AFF1: variants seen among roughly 807,000 people sequenced by gnomAD.
The protein encoded by AFF1 is AF4/FMR2 family member 1.
Under a neutral mutation model 121.7 loss-of-function variants are expected in AFF1, and 48 were observed. The observed-to-expected ratio is 0.39, with a 90% CI of 0.31 to 0.50. The LOEUF (loss-of-function observed/expected upper bound fraction) is 0.50. AFF1 is among the 20% of genes least tolerant of loss of function. The pLI, the probability that AFF1 is intolerant of heterozygous loss-of-function variation, is 0.76. For missense variants in AFF1, 1,523 were observed against 1,511.7 expected (o/e 1.01, Z -0.12); for synonymous variants, 613 against 563.0 (o/e 1.09, Z -1.26).
intron 2 of AFF1, among the ~76,000 whole-genome samples, chr4:87,010,706 C>T (rs541818278): frequency 2.6e-5 from 4 of 152,302 alleles, no homozygotes; most frequent in East Asian, 1.9e-4. Flanking sequence ...TTCCCACCTC[C>T]GCTAACCCTC....
intron 2 of AFF1, among the ~76,000 whole-genome samples, chr4:87,013,986 A>G (rs1423548431): frequency 6.6e-6 from 1 of 152,138 alleles, no homozygotes; most frequent in African/African-American, 2.4e-5. Flanking sequence ...AAATTTTGAT[A>G]TCATATATGC....
rs35457894 is a variant in AFF1 at position 87,138,490 on chromosome 4, GGTGT to G, written c.*2818_*2821del. 0.013 allele frequency: 2,749 copies of G among 217,402 alleles called. 11 individuals are homozygous for G. Among genetic ancestry groups the G allele is most frequent in the African/African-American group, 0.025 (1,062 of 42,024 alleles). 13.5% of individuals were successfully genotyped at this position (217,402 alleles called of 1,614,324 possible). ...GTAAATCTTGCCTTTGGCACTACAA[GGTGT>G]GTGTGTGTGTGTGTGTGTGTGTGTG... On this transcript the variant is annotated 3_prime_UTR_variant, in exon 21 of 21. Coordinates refer to ENST00000395146, the MANE Select transcript of AFF1 (RefSeq NM_001166693.3).
In AFF1 at chr4:87,137,929, T is replaced by G. The variant is rs1578336309; in HGVS notation, c.*2228T>G. 8.6e-6 allele frequency: 2 copies of G among 231,982 alleles called. No individual in the cohort carries two copies. Among genetic ancestry groups the G allele is most frequent in the Non-Finnish European group, 1.7e-5 (2 of 117,272 alleles). The allele number at this position is 231,982 out of a possible 1,614,324, so 14.4% of individuals were successfully genotyped here. A position where few individuals can be genotyped will look rare whatever the true frequency, so the allele number is the denominator to read the frequency against. The stretch of plus-strand genomic sequence containing the variant: ...GTGCCAGAGCATGTGCGTGTTCTGT[T>G]GGCAAGCCACAGTGCTCCCTTGACT... On this transcript the variant is annotated 3_prime_UTR_variant, in exon 21 of 21. Transcript: ENST00000395146.
intron 8 of AFF1, among the ~76,000 whole-genome samples, chr4:87,096,188 A>G (rs1724827067): frequency 6.6e-6 from 1 of 151,874 alleles, no homozygotes; most frequent in Non-Finnish European, 1.5e-5. Flanking sequence ...GGTTTTGTGC[A>G]TGTGGTAAGA....
chr4:87,005,690 G>T (rs1275798230), intron 2 of AFF1, among the ~76,000 whole-genome samples: 1 of 152,098 alleles, frequency 6.6e-6, no homozygotes, highest in Admixed American at 6.5e-5. Flanking sequence ...TGCTTCCTGG[G>T]TACTTCCCAT....
At chr4:87,014,018 C>T (rs541009440) in intron 2 of AFF1, among the ~76,000 whole-genome samples, 17 of 152,152 alleles carry the variant, frequency 1.1e-4, no homozygotes, top group Non-Finnish European at 1.9e-4. Flanking sequence ...CATTTTTCCC[C>T]TCCTATTGAA....
intron 5 of AFF1, among the ~76,000 whole-genome samples, chr4:87,086,964 T>C (rs565976442): frequency 6.6e-6 from 1 of 152,306 alleles, no homozygotes. Context: ...TCCAGCAGGC[T>C]AATGGAGTAA....
At chr4:87,089,449 T>C (rs236675) in intron 5 of AFF1, among the ~76,000 whole-genome samples, 124,376 of 152,192 alleles carry the variant, frequency 0.82, 51,021 homozygotes, top group African/African-American at 0.89. Context: ...AAAGTTCTTA[T>C]TTGCTAATAG....
At chr4:86,973,454 A>T (rs1035109480) in intron 2 of AFF1, among the ~76,000 whole-genome samples, 1 of 152,110 alleles carries the variant, frequency 6.6e-6, no homozygotes, top group African/African-American at 2.4e-5. Flanking sequence ...TGGTCTCTTA[A>T]TTTTTTTCCC....
At chr4:87,127,378 G>A (rs1728386543) in intron 15 of AFF1, among the ~76,000 whole-genome samples, 1 of 152,058 alleles carries the variant, frequency 6.6e-6, no homozygotes. Context: ...GGTCAGGCTG[G>A]TCTCGAACTC....
At chr4:87,111,948 GA>G (rs950447624) in intron 11 of AFF1, among the ~76,000 whole-genome samples, 4 of 152,152 alleles carry the variant, frequency 2.6e-5, no homozygotes, top group Non-Finnish European at 2.9e-5. Flanking sequence ...GGTTGGGGGG[GA>G]AACCAGATGT....
chr4:86,937,390 T>C (rs1450725055), intron 1 of AFF1, among the ~76,000 whole-genome samples: 1 of 152,202 alleles, frequency 6.6e-6, no homozygotes, highest in Non-Finnish European at 1.5e-5. Flanking sequence ...TAATCTACTA[T>C]AGGGTAATAA....
intron 4 of AFF1, among the ~76,000 whole-genome samples, chr4:87,054,264 A>G (rs1731537724): frequency 6.6e-6 from 1 of 152,230 alleles, no homozygotes; most frequent in Non-Finnish European, 1.5e-5. Flanking sequence ...TATGGGCCAC[A>G]GGGAGCTACA....
At chr4:87,017,375 A>G (rs971776313) in intron 2 of AFF1, among the ~76,000 whole-genome samples, 5 of 152,152 alleles carry the variant, frequency 3.3e-5, no homozygotes, top group African/African-American at 4.8e-5. Flanking sequence ...ATGTGATCTT[A>G]AAACACCGCT....
intron 4 of AFF1, among the ~76,000 whole-genome samples, chr4:87,060,384 G>C (rs1720615278): frequency 6.6e-6 from 1 of 152,124 alleles, no homozygotes; most frequent in South Asian, 2.1e-4. Flanking sequence ...CTTCTTAAAA[G>C]TAATGCATAT....
chr4:87,030,938 C>T (rs933153096), intron 2 of AFF1, among the ~76,000 whole-genome samples: 9 of 152,140 alleles, frequency 5.9e-5, no homozygotes, highest in African/African-American at 2.2e-4. Context: ...CAGTTGAGTG[C>T]ATTTGCATTC....
At chr4:87,065,038 A>G (rs2149662795) in intron 4 of AFF1, among the ~76,000 whole-genome samples, 1 of 147,688 alleles carries the variant, frequency 6.8e-6, no homozygotes, top group Middle Eastern at 3.4e-3. Flanking sequence ...GTCACAAGAA[A>G]AAATAATATA....
At chr4:86,989,346 ACAC>A (rs1172787719) in intron 2 of AFF1, among the ~76,000 whole-genome samples, 7 of 152,206 alleles carry the variant, frequency 4.6e-5, no homozygotes, top group Non-Finnish European at 7.4e-5. Context: ...GAAACAAACA[ACAC>A]CATCCAAAGG....
chr4:87,123,281 TA>T (rs1423705448), intron 12 of AFF1, among the ~76,000 whole-genome samples: 1 of 152,168 alleles, frequency 6.6e-6, no homozygotes, highest in Non-Finnish European at 1.5e-5. Flanking sequence ...TATACATCAG[TA>T]AAAAAATCAA....
Sources: allele counts gnomAD v4.1 joint callset (sites outside exome capture counted in the v4.1 genomes callset), GRCh38; gene constraint gnomAD v4.1.1; transcripts MANE v1.5; gene names NCBI Gene and HGNC (gene_info 2026-07-23, HGNC 2026-07-21).